Variants in PVT1 observed in about 807,000 individuals in gnomAD.
The protein encoded by PVT1 is CXCR4/PVT1 fusion.
chr8:128,019,827 C>A (rs1462567668), intron 4 of PVT1, among the ~76,000 whole-genome samples: 2 of 152,164 alleles, frequency 1.3e-5, no homozygotes, highest in Non-Finnish European at 2.9e-5. Flanking sequence ...CTAGCTCCTG[C>A]AATGCTGTGC....
intron 2 of PVT1, among the ~76,000 whole-genome samples, chr8:127,875,920 A>AAG (rs147776636): frequency 0.011 from 1,736 of 152,312 alleles, 39 homozygotes; most frequent in African/African-American, 0.039. Flanking sequence ...TCATGCTGGA[A>AAG]AGAGATTGAT....
chr8:127,886,071 TG>T (rs1429321445), intron 2 of PVT1, among the ~76,000 whole-genome samples: 1 of 151,960 alleles, frequency 6.6e-6, no homozygotes, highest in Non-Finnish European at 1.5e-5. Context: ...CACTCCAGCC[TG>T]GGCAACAGAG....
chr8:128,076,973 A>G (rs1048271224), intron 5 of PVT1, among the ~76,000 whole-genome samples: 1 of 152,164 alleles, frequency 6.6e-6, no homozygotes, highest in Non-Finnish European at 1.5e-5. Context: ...TTTGTGGTGG[A>G]TCCACGGCAA....
chr8:127,898,220 GAAAA>G lies in PVT1; in HGVS notation n.782+7223_782+7226del, dbSNP rs1442994074. 1.4e-5 allele frequency among the ~76,000 whole-genome samples: 2 copies of G among 144,728 alleles called. No individual in the cohort carries two copies. Among genetic ancestry groups the G allele is most frequent in the Admixed American group, 6.8e-5 (1 of 14,676 alleles). 94.9% of individuals were successfully genotyped at this position (144,728 alleles called of 152,430 possible). ...GCGTGAAGAAAGAAGAGAAAAGAAA[GAAAA>G]GAAAGAAAGAAAGAAAGAAACGAAG... On this transcript the variant is annotated intron_variant and non_coding_transcript_variant, in intron 3 of 10. Transcript: ENST00000651587. The surrounding 1 kb of genome is among the most constrained non-coding windows in gnomAD (Gnocchi z 4.4).
At chr8:127,963,182 C>T (rs1359174642) in intron 3 of PVT1, among the ~76,000 whole-genome samples, 2 of 152,198 alleles carry the variant, frequency 1.3e-5, no homozygotes, top group African/African-American at 4.8e-5. Context: ...GCACGGCAGC[C>T]TTCCTGCCCC....
intron 3 of PVT1, among the ~76,000 whole-genome samples, chr8:127,957,328 C>A (rs575485787): frequency 1.3e-5 from 2 of 152,062 alleles, no homozygotes; most frequent in Non-Finnish European, 2.9e-5. Context: ...CAGCACTATG[C>A]GAGACCGAGG....
At chr8:128,050,644 G>A (rs893797935) in intron 4 of PVT1, among the ~76,000 whole-genome samples, 2 of 152,130 alleles carry the variant, frequency 1.3e-5, no homozygotes, top group Non-Finnish European at 2.9e-5. Context: ...ACAGTTGCTG[G>A]CTCTGTGACC....
intron 5 of PVT1, among the ~76,000 whole-genome samples, chr8:128,073,042 C>T (rs1479591899): frequency 6.6e-6 from 1 of 151,960 alleles, no homozygotes; most frequent in Non-Finnish European, 1.5e-5. Context: ...CCATGTTGGC[C>T]AGGCTGGTCT....
intron 2 of PVT1, among the ~76,000 whole-genome samples, chr8:127,868,794 CATATATATGTACAT>C (rs1815318817): frequency 7.8e-4 from 7 of 8,972 alleles, no homozygotes; most frequent in African/African-American, 2.0e-3. Flanking sequence ...TATATATATA[CATATATATGTACAT>C]ATATATATAT....
chr8:128,046,556 A>G (rs1010297064), intron 4 of PVT1, among the ~76,000 whole-genome samples: 1 of 152,212 alleles, frequency 6.6e-6, no homozygotes, highest in East Asian at 1.9e-4. Flanking sequence ...ATGGAGAAGC[A>G]TAGTTCTAAT....
At position 127,915,945 on chromosome 8, in the gene PVT1, C is replaced by G. The variant is rs147261749; in HGVS notation, n.782+24947C>G. 3.8e-3 allele frequency among the ~76,000 whole-genome samples: 584 copies of G among 152,386 alleles called. 7 individuals are homozygous for G. The highest frequency in any genetic ancestry group is 0.013 in the African/African-American group (558 of 41,594). On this transcript the variant is annotated intron_variant and non_coding_transcript_variant, in intron 3 of 10. Transcript: ENST00000651587. Reference sequence around the variant, plus strand: ...CCCAGATCTATGTCTTTTCATGCAACCTTGCCCTGTGCTTTCCACATATTC... The same window carrying G: ...CCCAGATCTATGTCTTTTCATGCAAGCTTGCCCTGTGCTTTCCACATATTC...
intron 2 of PVT1, among the ~76,000 whole-genome samples, chr8:127,805,450 T>A (rs1384339219): frequency 6.6e-6 from 1 of 151,948 alleles, no homozygotes; most frequent in Non-Finnish European, 1.5e-5. Context: ...TTGTGGTTCA[T>A]GAGATTTGCA....
At chr8:128,095,191 G>A (rs1426313174) in intron 5 of PVT1, among the ~76,000 whole-genome samples, 2 of 152,158 alleles carry the variant, frequency 1.3e-5, no homozygotes, top group Non-Finnish European at 2.9e-5. Flanking sequence ...GAAAAGAACC[G>A]AGATTTGGAA....
At chr8:127,909,334 A>C (rs1414731324) in intron 3 of PVT1, among the ~76,000 whole-genome samples, 1 of 152,166 alleles carries the variant, frequency 6.6e-6, no homozygotes, top group African/African-American at 2.4e-5. Context: ...CTCTCCCCAA[A>C]TCAGGTGAAA....
chr8:128,051,112 C>T (rs1445529859), intron 4 of PVT1, among the ~76,000 whole-genome samples: 1 of 152,200 alleles, frequency 6.6e-6, no homozygotes, highest in Non-Finnish European at 1.5e-5. Context: ...GTCACTTGTT[C>T]TTTCATTGAA....
intron 2 of PVT1, among the ~76,000 whole-genome samples, chr8:127,805,565 C>A (rs1486625736): frequency 2.8e-4 from 43 of 152,150 alleles, no homozygotes; most frequent in Non-Finnish European, 1.5e-4. Flanking sequence ...TATGCTCGCA[C>A]ATGTTTATGT....
intron 2 of PVT1, among the ~76,000 whole-genome samples, chr8:127,881,642 C>T (rs986378479): frequency 5.3e-5 from 8 of 151,170 alleles, no homozygotes; most frequent in African/African-American, 1.5e-4. Context: ...TTTTTGGTAG[C>T]GATGGAGTTT....
rs187954218 is a variant in PVT1, at chr8:127,861,901, G to A, written n.373-28688G>A. Reference sequence around the variant, plus strand: ...TTTCAGATTTCCTCTGCTTTTACCTGTTGCAAGGTATAAACCTTTTCATGT... The same window carrying A: ...TTTCAGATTTCCTCTGCTTTTACCTATTGCAAGGTATAAACCTTTTCATGT... On this transcript the variant is annotated intron_variant and non_coding_transcript_variant, in intron 2 of 10. Coordinates refer to ENST00000651587, the Ensembl canonical transcript of PVT1. 4.8e-4 allele frequency among the ~76,000 whole-genome samples: 73 copies of A among 152,264 alleles called. 1 individual carries two copies. The highest frequency in any genetic ancestry group is 1.6e-3 in the African/African-American group (66 of 41,540).
intron 4 of PVT1, among the ~76,000 whole-genome samples, chr8:128,036,864 A>G (rs1813469416): frequency 6.6e-6 from 1 of 152,148 alleles, no homozygotes; most frequent in Admixed American, 6.5e-5. Context: ...GAGAAACCTG[A>G]GGCTTCGTTA....
Sources: gnomAD v4.1 joint callset for allele counts (sites outside exome capture counted in the v4.1 genomes callset) on GRCh38, gnomAD v4.1.1 for gene constraint, Gnocchi (gnomAD v3.1) non-coding constraint, MANE v1.5 for transcripts, NCBI Gene and HGNC (gene_info 2026-07-23, HGNC 2026-07-21) for gene names.